MIER1: variants seen among roughly 807,000 people sequenced by gnomAD.
MIER1 encodes the protein MIER1 transcriptional regulator, also known as mesoderm induction early response protein 1.
In MIER1, 40 loss-of-function variants were observed where a neutral mutation model predicts 75.7. The ratio of observed to expected loss-of-function variants is 0.53; its 90% CI spans 0.41 to 0.69. The LOEUF (loss-of-function observed/expected upper bound fraction) is 0.69, where lower values mean the gene tolerates loss of function less well. MIER1 is among the 30% of genes least tolerant of loss of function. The pLI is 0.00. For synonymous variants in MIER1, 213 were observed against 223.4 expected, an observed-to-expected ratio of 0.95 and a Z score of 0.42; for missense variants, 574 against 680.2, an observed-to-expected ratio of 0.84 and a Z score of 1.74.
At chr1:66,970,401 T>G (rs1314090183) in intron 8 of MIER1, among the ~76,000 whole-genome samples, 1 of 152,220 alleles carries the variant, frequency 6.6e-6, no homozygotes, top group Non-Finnish European at 1.5e-5. Flanking sequence ...GATTTTAGTA[T>G]GTGCCAGAAT....
rs1489751067 is a variant in MIER1 at position 66,987,478 on chromosome 1, C to A, written c.*2578C>A. The A allele has an allele frequency of 6.6e-6, 1 of 152,614 alleles. No homozygotes were observed. The highest frequency in any genetic ancestry group is 2.4e-5 in the African/African-American group (1 of 41,422). 9.5% of individuals were successfully genotyped at this position (152,614 alleles called of 1,614,324 possible). A position where few individuals can be genotyped will look rare whatever the true frequency, so the allele number is the denominator to read the frequency against. On this transcript the variant is annotated 3_prime_UTR_variant, in exon 14 of 14. Coordinates refer to ENST00000401041, the MANE Select transcript of MIER1 (RefSeq NM_001077700.3). ...TGTATTTTCAAATAGAGTTCAGGAT[C>A]TGCAATTCAGTTCAACACAAGTTTG...
intron 7 of MIER1, among the ~76,000 whole-genome samples, chr1:66,962,165 T>C (rs1193632408): frequency 6.6e-6 from 1 of 152,206 alleles, no homozygotes; most frequent in Non-Finnish European, 1.5e-5. Flanking sequence ...CAGTGGTAGT[T>C]TGCAGTTGCT....
At chr1:66,927,782 G>A (rs1355118225) in intron 2 of MIER1, among the ~76,000 whole-genome samples, 4 of 152,112 alleles carry the variant, frequency 2.6e-5, no homozygotes, top group South Asian at 4.1e-4. Context: ...AACATAGGCA[G>A]AAAGCCTGGT....
intron 4 of MIER1, among the ~76,000 whole-genome samples, chr1:66,954,172 G>GC (rs1659606529): frequency 6.6e-6 from 1 of 152,142 alleles, no homozygotes; most frequent in African/African-American, 2.4e-5. Flanking sequence ...AGGTGAATGT[G>GC]TAGTGAATGA....
At chr1:66,969,974 A>T (rs1255833211) in intron 8 of MIER1, among the ~76,000 whole-genome samples, 1 of 152,200 alleles carries the variant, frequency 6.6e-6, no homozygotes, top group Admixed American at 6.5e-5. Context: ...AACAGAATTT[A>T]ACCAGTCTTT....
Position 66,971,677 on chromosome 1 carries a change from G to T in MIER1, c.947G>T (p.Cys316Phe). ...NEQALYELVK[C>F]NFDTEEALRR... The stretch of plus-strand genomic sequence containing the variant: ...TAGGCTTTATATGAATTGGTTAAAT[G>T]CAATTTTGATACAGAAGAAGCATTG... Residue 316 changes from cysteine to phenylalanine, a missense_variant, in exon 10 of 14, where the codon TGC becomes TTC. By Grantham distance (205) the Cys-to-Phe change is radical. Coordinates refer to ENST00000401041, the MANE Select transcript of MIER1 (RefSeq NM_001077700.3). The T allele has an allele frequency of 6.6e-7, 1 of 1,508,742 alleles. No homozygotes were observed. 93.5% of individuals were successfully genotyped at this position (1,508,742 alleles called of 1,614,324 possible). A position where few individuals can be genotyped will look rare whatever the true frequency, so the allele number is the denominator to read the frequency against.
chr1:66,937,834 ATTTAAC>A (rs1655276292), intron 2 of MIER1, among the ~76,000 whole-genome samples: 3 of 152,310 alleles, frequency 2.0e-5, no homozygotes, highest in African/African-American at 7.2e-5. Flanking sequence ...AATGGGATGT[ATTTAAC>A]TTTAAAGAAT....
rs113829973 is a variant in MIER1, at chr1:66,941,863, G to A, written c.193+1811G>A. On this transcript the variant is annotated intron_variant, in intron 3 of 13. Transcript: ENST00000401041. ...CACATGCTTGTAATCCCAGCTACTC[G>A]GAAGGCTGAGGTGGGAGAATCCTTT... is the stretch of plus-strand genomic sequence containing the variant. Among the ~76,000 whole-genome samples the A allele has an allele frequency of 6.0e-3, 917 of 151,796 alleles. 7 individuals carry two copies. The highest frequency in any genetic ancestry group is 0.021 in the African/African-American group (856 of 41,362).
chr1:66,955,336 GTTTTTTTTTT>G (rs34006160), intron 4 of MIER1, among the ~76,000 whole-genome samples: 39 of 59,968 alleles, frequency 6.5e-4, no homozygotes, highest in African/African-American at 2.5e-3. Flanking sequence ...CATCACCTGA[GTTTTTTTTTT>G]TTTTTTTTTT....
intron 2 of MIER1, among the ~76,000 whole-genome samples, chr1:66,928,554 A>G (rs1244342863): frequency 6.6e-6 from 1 of 152,124 alleles, no homozygotes; most frequent in African/African-American, 2.4e-5. Flanking sequence ...GTCTGTACCC[A>G]CCTCAGGTCC....
chr1:66,940,462 G>A (rs77287123), intron 3 of MIER1, among the ~76,000 whole-genome samples: 1,986 of 149,122 alleles, frequency 0.013, 36 homozygotes, highest in African/African-American at 0.047. Context: ...CAGAGGGAGG[G>A]GAAAAATAAA....
At chr1:66,928,213 A>G (rs1652280210) in intron 2 of MIER1, among the ~76,000 whole-genome samples, 1 of 152,124 alleles carries the variant, frequency 6.6e-6, no homozygotes, top group African/African-American at 2.4e-5. Context: ...CACAATATTA[A>G]TAAACTTAAA....
chr1:66,962,597 G>A (rs1453316055), intron 7 of MIER1, among the ~76,000 whole-genome samples: 1 of 152,078 alleles, frequency 6.6e-6, no homozygotes, highest in East Asian at 1.9e-4. Flanking sequence ...TGAGAGAATT[G>A]CTTGAGCCTG....
intron 8 of MIER1, among the ~76,000 whole-genome samples, chr1:66,968,011 A>G (rs751446666): frequency 6.6e-6 from 1 of 151,770 alleles, no homozygotes; most frequent in Non-Finnish European, 1.5e-5. Flanking sequence ...AATTGTTCTG[A>G]TTTTTTCATG....
chr1:66,963,133 A>T lies in MIER1; in HGVS notation c.745A>T (p.Ile249Phe). ...SMFQAEIPVG[I>F]CRYKENEKVY... Reference sequence around the variant, plus strand: ...GTTTCAAGCAGAAATTCCAGTTGGCATTTGTAGATACAAAGAAAATGAAAA... The same window carrying T: ...GTTTCAAGCAGAAATTCCAGTTGGCTTTTGTAGATACAAAGAAAATGAAAA... Residue 249 changes from isoleucine (I) to phenylalanine (F), a missense_variant, in exon 8 of 14, where the codon ATT becomes TTT. Transcript: ENST00000401041. The T allele has an allele frequency of 6.2e-7, 1 of 1,611,608 alleles. No homozygotes were observed. Among genetic ancestry groups the T allele is most frequent in the South Asian group, 1.1e-5 (1 of 90,972 alleles).
At chr1:66,961,487 T>A (rs566980861) in intron 7 of MIER1, among the ~76,000 whole-genome samples, 8 of 152,224 alleles carry the variant, frequency 5.3e-5, no homozygotes, top group Non-Finnish European at 1.0e-4. Context: ...CCCTTCCCTG[T>A]ACTACCGAAC....
chr1:66,936,854 C>T (rs961480128), intron 2 of MIER1, among the ~76,000 whole-genome samples: 2 of 151,268 alleles, frequency 1.3e-5, no homozygotes, highest in African/African-American at 4.9e-5. Context: ...AAAAAATTAG[C>T]CAGACGTGGT....
rs1311998892 is a variant in MIER1 at position 66,959,691 on chromosome 1, A to C, written c.647A>C (p.Glu216Ala). 1 of 1,423,176 alleles carries C rather than the reference A, an allele frequency of 7.0e-7. No individual in the cohort carries two copies. The highest frequency in any genetic ancestry group is 9.5e-7 in the Non-Finnish European group (1 of 1,055,790). 88.2% of individuals were successfully genotyped at this position (1,423,176 alleles called of 1,614,324 possible). A position where few individuals can be genotyped will look rare whatever the true frequency, so the allele number is the denominator to read the frequency against. The change falls in exon 7 of 14, where the codon GAA (glutamate) becomes GCA (alanine). Residue 216 changes from glutamate to alanine, a missense_variant. Glu to Ala is a moderately radical substitution (Grantham distance 107). Coordinates refer to ENST00000401041, the MANE Select transcript of MIER1 (RefSeq NM_001077700.3). ...CKYFDTNSEV[E>A]EESEEDEDYI... is the part of the protein sequence containing the mutation. ...TTATTTATTCTAGATAGTGAAGTAG[A>C]AGAAGAATCTGAAGAAGATGAAGAT...
intron 4 of MIER1, among the ~76,000 whole-genome samples, chr1:66,950,476 T>G (rs1658665378): frequency 6.6e-6 from 1 of 152,190 alleles, no homozygotes; most frequent in Admixed American, 6.6e-5. Context: ...AATGAACTCT[T>G]TAAACTCAGA....
Sources: allele counts gnomAD v4.1 joint callset (sites outside exome capture counted in the v4.1 genomes callset), GRCh38; gene constraint gnomAD v4.1.1; transcripts MANE v1.5; gene names NCBI Gene and HGNC (gene_info 2026-07-23, HGNC 2026-07-21).